The following SSTR5 variants were observed in gnomAD, a reference collection of about 807,000 sequenced individuals.
SSTR5 encodes somatostatin receptor type 5.
Under a neutral mutation model 0.3 loss-of-function variants are expected in SSTR5, and 1 was observed. That is an observed-to-expected ratio of 2.98 (90% CI 1.06 to 14.15). The LOEUF (loss-of-function observed/expected upper bound fraction) is 14.15, where lower values mean the gene tolerates loss of function less well. Ranked by LOEUF, SSTR5 falls within the 30% of genes most tolerant of loss-of-function variation. The pLI is 0.12. For missense variants in SSTR5, 516 were observed against 543.2 expected (o/e 0.95, Z 0.50); for synonymous variants, 256 against 263.1 (o/e 0.97, Z 0.26).
At chr16:1,077,994 C>T (rs1960248923) in intron 1 of SSTR5, 1 of 152,256 alleles carries the variant, frequency 6.6e-6, no homozygotes, top group African/African-American at 2.4e-5. Context: ...ATGCCTCTGA[C>T]CCGCCCACAC....
chr16:1,080,211 G>A lies in SSTR5; in HGVS notation c.*248G>A, dbSNP rs963768134. The A allele has an allele frequency of 1.7e-5, 9 of 532,890 alleles. No individual in the cohort carries two copies. The Admixed American group carries it at 1.8e-4, about 11-fold the overall frequency. 33.0% of individuals were successfully genotyped at this position (532,890 alleles called of 1,614,324 possible). A position where few individuals can be genotyped will look rare whatever the true frequency, so the allele number is the denominator to read the frequency against. ...GGGGAGGTGGCCAGACCGGTGGGGG[G>A]CTCCGCCATGCCGTGCAAGTGCTCA... is the stretch of plus-strand genomic sequence containing the variant. On this transcript the variant is annotated 3_prime_UTR_variant, in exon 2 of 2. Coordinates refer to ENST00000689027, the MANE Select transcript of SSTR5 (RefSeq NM_001172560.3).
Position 1,079,584 on chromosome 16 carries a change from G to C in SSTR5, c.716G>C (p.Arg239Pro). The stretch of plus-strand genomic sequence containing the variant: ...GCGGGCGTGCGCGTGGGCTGCGTGC[G>C]GCGGCGCTCGGAGCGGAAGGTGACG... ...RAAGVRVGCV[R>P]RRSERKVTRM... The change falls in exon 2 of 2, where the codon CGG (arginine) becomes CCG (proline). Residue 239 changes from arginine (R) to proline (P), a missense_variant. Physicochemically the swap from Arg to Pro is moderately radical, Grantham distance 103. Coordinates refer to ENST00000689027, the MANE Select transcript of SSTR5 (RefSeq NM_001172560.3). 1 of 1,611,186 alleles carries C rather than the reference G, an allele frequency of 6.2e-7. No homozygotes were observed. Among genetic ancestry groups the C allele is most frequent in the Non-Finnish European group, 8.5e-7 (1 of 1,178,904 alleles).
At position 1,080,781 on chromosome 16, in the gene SSTR5, T is replaced by C. The variant is rs965669841; in HGVS notation, c.*818T>C. Among the ~76,000 whole-genome samples, 4 of 152,168 alleles carry C rather than the reference T, an allele frequency of 2.6e-5. No individual in the cohort carries two copies. Among genetic ancestry groups the C allele is most frequent in the African/African-American group, 9.6e-5 (4 of 41,532 alleles). On this transcript the variant is annotated 3_prime_UTR_variant, in exon 2 of 2. Transcript: ENST00000689027. ...TGCAGATGGCTGTGCCGTGCTGAGA[T>C]TGGCTCTGTCTGGAGGGGTCCAGTG... is the stretch of plus-strand genomic sequence containing the variant.
chr16:1,080,948 GAGC>G lies in SSTR5; in HGVS notation c.*988_*990del. 1 of 439,460 alleles carries G rather than the reference GAGC, an allele frequency of 2.3e-6. No homozygotes were observed. Among genetic ancestry groups the G allele is most frequent in the Non-Finnish European group, 4.8e-6 (1 of 208,674 alleles). The allele number at this position is 439,460 out of a possible 1,614,324, so 27.2% of individuals were successfully genotyped here. On this transcript the variant is annotated 3_prime_UTR_variant, in exon 2 of 2. Coordinates refer to ENST00000689027, the MANE Select transcript of SSTR5 (RefSeq NM_001172560.3). ...GGCCCGGGAGAGGGAACGGGGACAG[GAGC>G]AGAGGACGGTCATCCAGGCGCAGCG...
Position 1,079,627 on chromosome 16 carries a change from G to A in SSTR5, c.759G>A (p.Val253=). Residue 253 remains valine, a synonymous_variant, in exon 2 of 2, where the codon GTG becomes GTA. Transcript: ENST00000689027. Reference sequence around the variant, plus strand: ...AGGTGACGCGCATGGTGTTGGTGGTGGTGCTGGTGTTTGCGGGATGTTGGC... The same window carrying A: ...AGGTGACGCGCATGGTGTTGGTGGTAGTGCTGGTGTTTGCGGGATGTTGGC... The part of the protein sequence containing the change: ...ERKVTRMVLV[V]VLVFAGCWLP... 1 of 1,612,186 alleles carries A rather than the reference G, an allele frequency of 6.2e-7. No homozygotes were observed. The highest frequency in any genetic ancestry group is 8.5e-7 in the Non-Finnish European group (1 of 1,179,246).
chr16:1,080,140 C>T lies in SSTR5; in HGVS notation c.*177C>T, dbSNP rs1839464193. 1.2e-6 allele frequency: 1 copy of T among 867,078 alleles called. No individual in the cohort carries two copies. Among genetic ancestry groups the T allele is most frequent in the Non-Finnish European group, 1.7e-6 (1 of 574,616 alleles). 53.7% of individuals were successfully genotyped at this position (867,078 alleles called of 1,614,324 possible). Reference sequence around the variant, plus strand: ...CAGTAGGTTCCCCACCGTGACCGACCATCCCCTCTAACCGTCTGCCACACA... The same window carrying T: ...CAGTAGGTTCCCCACCGTGACCGACTATCCCCTCTAACCGTCTGCCACACA... On this transcript the variant is annotated 3_prime_UTR_variant, in exon 2 of 2. Transcript: ENST00000689027.
rs563636671 is a variant in SSTR5 at position 1,079,947 on chromosome 16, A to G, written c.1079A>G (p.Gln360Arg). 8.8e-5 allele frequency: 141 copies of G among 1,603,042 alleles called. No homozygotes were observed. The East Asian group carries it at 3.1e-3, about 35-fold the overall frequency. ...AHRAAANGLM[Q>R]TSKL ...CGCGCCGCAGCCAACGGGCTTATGCAGACCAGCAAGCTGTGAGAGTGCAGG... is the reference window on the plus strand; with the variant it reads ...CGCGCCGCAGCCAACGGGCTTATGCGGACCAGCAAGCTGTGAGAGTGCAGG... The change falls in exon 2 of 2, where the codon CAG becomes CGG. Residue 360 changes from glutamine to arginine, a missense_variant. By Grantham distance (43) the Gln-to-Arg change is conservative. Coordinates refer to ENST00000689027, the MANE Select transcript of SSTR5 (RefSeq NM_001172560.3).
At position 1,072,832 on chromosome 16, in the gene SSTR5, G is replaced by A. The variant is rs1292206925; in HGVS notation, c.-28+10G>A. ...GGGCGCCGCCGCCCAGGTGAGTGCCGCCCGCCCCTGTCCCCCTCCCGCGCG... is the reference window on the plus strand; with the variant it reads ...GGGCGCCGCCGCCCAGGTGAGTGCCACCCGCCCCTGTCCCCCTCCCGCGCG... On this transcript the variant is annotated intron_variant, in intron 1 of 1. Coordinates refer to ENST00000689027, the MANE Select transcript of SSTR5 (RefSeq NM_001172560.3). Among the ~76,000 whole-genome samples, 1 of 151,044 alleles carries A rather than the reference G, an allele frequency of 6.6e-6. No individual in the cohort carries two copies. The highest frequency in any genetic ancestry group is 2.4e-5 in the African/African-American group (1 of 41,096).
At chr16:1,076,858 A>C (rs970918039) in intron 1 of SSTR5, among the ~76,000 whole-genome samples, 2 of 152,026 alleles carry the variant, frequency 1.3e-5, no homozygotes, top group Non-Finnish European at 2.9e-5. Context: ...GTCTCTGTGG[A>C]TCCTGCACAT....
chr16:1,078,787 G>A, intron 1 of SSTR5, 55 bp from the exon 2 acceptor site: 1 of 1,521,236 alleles, frequency 6.6e-7, no homozygotes, highest in South Asian at 1.2e-5. Context: ...AGGAATGCCT[G>A]CATGTGCTGG....
chr16:1,077,176 G>C lies in SSTR5; in HGVS notation c.-27-1666G>C, dbSNP rs1219512578. ...GCCTTTCCTGGCAGCTGCTGGGGTC[G>C]TCCTGTGCTCTGAGGTGCCTCCAGG... is the stretch of plus-strand genomic sequence containing the variant. On this transcript the variant is annotated intron_variant, in intron 1 of 1. Coordinates refer to ENST00000689027, the MANE Select transcript of SSTR5 (RefSeq NM_001172560.3). 2.0e-5 allele frequency among the ~76,000 whole-genome samples: 3 copies of C among 152,150 alleles called. No individual in the cohort carries two copies. The South Asian group carries it at 6.2e-4, about 32-fold the overall frequency.
rs1960360421 is a variant in SSTR5, at chr16:1,080,857, G to A, written c.*894G>A. On this transcript the variant is annotated 3_prime_UTR_variant, in exon 2 of 2. Coordinates refer to ENST00000689027, the MANE Select transcript of SSTR5 (RefSeq NM_001172560.3). The stretch of plus-strand genomic sequence containing the variant: ...AGGTGCTCCTGCTGCAGGAGGACCT[G>A]AGGGTCAGGGCTTGGAGAGGACAGG... Among the ~76,000 whole-genome samples the A allele has an allele frequency of 6.6e-6, 1 of 152,144 alleles. No homozygotes were observed. The highest frequency in any genetic ancestry group is 2.4e-5 in the African/African-American group (1 of 41,428).
At chr16:1,078,801 A>G (rs1187662254) in intron 1 of SSTR5, 41 bp from the exon 2 acceptor site, 29 of 1,566,520 alleles carry the variant, frequency 1.9e-5, no homozygotes, top group Non-Finnish European at 2.5e-5. Context: ...GTGCTGGTTC[A>G]GGGACTCACC....
chr16:1,079,172 G>A lies in SSTR5; in HGVS notation c.304G>A (p.Ala102Thr), dbSNP rs752979884. 5.5e-5 allele frequency: 89 copies of A among 1,612,480 alleles called. No individual in the cohort carries two copies. In the East Asian group the frequency reaches 5.6e-4, roughly 10 times the overall value. Residue 102 changes from alanine (A) to threonine (T), a missense_variant, in exon 2 of 2, where the codon GCG (alanine) becomes ACG (threonine). Ala to Thr is a moderately conservative substitution (Grantham distance 58). Coordinates refer to ENST00000689027, the MANE Select transcript of SSTR5 (RefSeq NM_001172560.3). ...GCCTTTCCTGGCCACGCAGAACGCC[G>A]CGTCCTTCTGGCCCTTCGGCCCCGT... ...GLPFLATQNAASFWPFGPVLC... is the reference protein window; with the variant it reads ...GLPFLATQNATSFWPFGPVLC...
At chr16:1,073,887 C>A (rs1960139975) in intron 1 of SSTR5, among the ~76,000 whole-genome samples, 1 of 152,240 alleles carries the variant, frequency 6.6e-6, no homozygotes, top group African/African-American at 2.4e-5. Flanking sequence ...CAGAGCAAGA[C>A]CCAGCGAGGC....
rs1001527722 is a variant in SSTR5 at position 1,079,121 on chromosome 16, G to A, written c.253G>A (p.Ala85Thr). The A allele has an allele frequency of 4.3e-6, 7 of 1,612,604 alleles. No individual in the cohort carries two copies. In the African/African-American group the frequency reaches 9.3e-5, roughly 22 times the overall value. Residue 85 changes from alanine to threonine, a missense_variant, in exon 2 of 2, where the codon GCC becomes ACC. By Grantham distance (58) the Ala-to-Thr change is moderately conservative (BLOSUM62 0). Coordinates refer to ENST00000689027, the MANE Select transcript of SSTR5 (RefSeq NM_001172560.3). Reference sequence around the variant, plus strand: ...CATCTACATTCTCAACCTGGCAGTGGCCGACGTCCTGTACATGCTGGGGCT... The same window carrying A: ...CATCTACATTCTCAACCTGGCAGTGACCGACGTCCTGTACATGCTGGGGCT... ...TNIYILNLAVADVLYMLGLPF... is the reference protein window; with the variant it reads ...TNIYILNLAVTDVLYMLGLPF...
chr16:1,079,697 C>A lies in SSTR5; in HGVS notation c.829C>A (p.Pro277Thr), dbSNP rs1461623723. The stretch of plus-strand genomic sequence containing the variant: ...CATCGTCAACCTGGCCGTGGCGCTG[C>A]CCCAGGAGCCCGCCTCCGCCGGCCT... ...VNIVNLAVAL[P>T]QEPASAGLYF... Residue 277 changes from proline (P) to threonine (T), a missense_variant, in exon 2 of 2, where the codon CCC becomes ACC. Coordinates refer to ENST00000689027, the MANE Select transcript of SSTR5 (RefSeq NM_001172560.3). 1 of 1,612,198 alleles carries A rather than the reference C, an allele frequency of 6.2e-7. No individual in the cohort carries two copies. The highest frequency in any genetic ancestry group is 1.7e-5 in the Admixed American group (1 of 60,020).
In SSTR5 at chr16:1,079,700, CA is replaced by C; in HGVS notation, c.833del (p.Gln278ArgfsTer113). 1.9e-6 allele frequency: 3 copies of C among 1,612,232 alleles called. No homozygotes were observed. Among genetic ancestry groups the C allele is most frequent in the Non-Finnish European group, 2.5e-6 (3 of 1,179,918 alleles). On this transcript the variant is annotated frameshift_variant, in exon 2 of 2. Coordinates refer to ENST00000689027, the MANE Select transcript of SSTR5 (RefSeq NM_001172560.3). LOFTEE classifies it low-confidence loss of function (END_TRUNC). Reference protein sequence around the residue: ...NIVNLAVALPQEPASAGLYFF... With the variant: ...NIVNLAVALPXEPASAGLYFF... ...CGTCAACCTGGCCGTGGCGCTGCCC[CA>C]GGAGCCCGCCTCCGCCGGCCTCTAC...
intron 1 of SSTR5, among the ~76,000 whole-genome samples, chr16:1,074,184 G>A (rs1397971256): frequency 6.6e-6 from 1 of 152,226 alleles, no homozygotes; most frequent in Non-Finnish European, 1.5e-5. Flanking sequence ...TGTCCTGGGA[G>A]CACAGGCCTG....
Sources: gnomAD v4.1 joint callset for allele counts (sites outside exome capture counted in the v4.1 genomes callset) on GRCh38, gnomAD v4.1.1 for gene constraint, MANE v1.5 for transcripts, NCBI Gene and HGNC (gene_info 2026-07-23, HGNC 2026-07-21) for gene names.